Variants in SKAP1 observed in about 807,000 individuals in gnomAD.
SKAP1 encodes src kinase-associated phosphoprotein 1.
SKAP1 carries 44 observed loss-of-function variants against 58.5 expected under a neutral mutation model. The observed-to-expected ratio is 0.75, with a 90% CI of 0.59 to 0.97. The LOEUF (loss-of-function observed/expected upper bound fraction) is 0.97. Among genes scored for constraint, SKAP1 ranks in the 50% least tolerant of loss-of-function variants. The pLI is 0.00. For synonymous variants in SKAP1, 127 were observed against 149.7 expected (o/e 0.85, Z 1.11); for missense variants, 390 against 435.2 (o/e 0.90, Z 0.92).
intron 4 of SKAP1, among the ~76,000 whole-genome samples, chr17:48,329,916 C>T (rs1388907317): frequency 1.3e-5 from 2 of 152,268 alleles, no homozygotes; most frequent in South Asian, 2.1e-4. Context: ...ACCTACAATG[C>T]ACAGTAGTAA....
intron 4 of SKAP1, among the ~76,000 whole-genome samples, chr17:48,248,304 T>A (rs1489000526): frequency 6.6e-6 from 1 of 152,210 alleles, no homozygotes; most frequent in East Asian, 1.9e-4. Flanking sequence ...AGGTGGCTCA[T>A]GCTTGTAATC....
intron 4 of SKAP1, among the ~76,000 whole-genome samples, chr17:48,279,960 G>T (rs1287640478): frequency 6.6e-6 from 1 of 152,072 alleles, no homozygotes. Context: ...GGGCCCTGTT[G>T]TCATACAGTT....
chr17:48,316,845 A>C (rs1314481252), intron 4 of SKAP1, among the ~76,000 whole-genome samples: 2 of 144,342 alleles, frequency 1.4e-5, no homozygotes, highest in Admixed American at 1.4e-4. Flanking sequence ...CCCAACTTGC[A>C]TAACACTGAA....
intron 2 of SKAP1, chr17:48,380,251 T>A (rs2144474991): frequency 6.6e-6 from 1 of 152,314 alleles, no homozygotes; most frequent in Non-Finnish European, 1.5e-5. Flanking sequence ...ATCAGAAACA[T>A]CTTGAGATGT....
intron 4 of SKAP1, among the ~76,000 whole-genome samples, chr17:48,329,258 A>G (rs35974423): frequency 0.21 from 32,074 of 152,060 alleles, 3,362 homozygotes; most frequent in Admixed American, 0.22. Context: ...GACTTAAAAG[A>G]TAACTATAAG....
intron 4 of SKAP1, among the ~76,000 whole-genome samples, chr17:48,262,626 T>C (rs1033531984): frequency 1.3e-5 from 2 of 152,220 alleles, no homozygotes; most frequent in African/African-American, 2.4e-5. Flanking sequence ...TCCTATTCTG[T>C]TGTAAATTTT....
intron 4 of SKAP1, among the ~76,000 whole-genome samples, chr17:48,323,792 G>A (rs2144234065): frequency 6.6e-6 from 1 of 152,174 alleles, no homozygotes; most frequent in African/African-American, 2.4e-5. Context: ...ACGATGCTGA[G>A]TGGGGTCAGG....
At chr17:48,406,080 C>A (rs2067579158) in intron 1 of SKAP1, among the ~76,000 whole-genome samples, 1 of 151,832 alleles carries the variant, frequency 6.6e-6, no homozygotes, top group African/African-American at 2.4e-5. Flanking sequence ...TCCTTGCCAA[C>A]ATGGTGAAAC....
chr17:48,148,221 G>C (rs1324654437), intron 11 of SKAP1, among the ~76,000 whole-genome samples: 1 of 152,172 alleles, frequency 6.6e-6, no homozygotes, highest in African/African-American at 2.4e-5. Context: ...CACAGAGTGG[G>C]TGTGTGCAAG....
chr17:48,408,448 G>A (rs1265773005), intron 1 of SKAP1, among the ~76,000 whole-genome samples: 1 of 151,926 alleles, frequency 6.6e-6, no homozygotes, highest in Non-Finnish European at 1.5e-5. Context: ...TACAAAAAGA[G>A]GAAAAGTTCA....
chr17:48,144,006 C>T (rs1323179097), intron 11 of SKAP1, among the ~76,000 whole-genome samples: 2 of 152,204 alleles, frequency 1.3e-5, no homozygotes, highest in Non-Finnish European at 2.9e-5. Flanking sequence ...AGTCTGTCTG[C>T]TCTTGCTCCA....
chr17:48,182,944 G>T (rs2064389947), intron 7 of SKAP1, among the ~76,000 whole-genome samples: 1 of 152,210 alleles, frequency 6.6e-6, no homozygotes, highest in Non-Finnish European at 1.5e-5. Context: ...GGTGGACAGA[G>T]TTGGACATTT....
chr17:48,442,504 G>A, the SKAP1 span, among the ~76,000 whole-genome samples: 1 of 152,048 alleles, frequency 6.6e-6, no homozygotes, highest in Non-Finnish European at 1.5e-5. Context: ...GCTATACTTG[G>A]TGTTACATTT....
intron 1 of SKAP1, among the ~76,000 whole-genome samples, chr17:48,407,059 A>G (rs1201455583): frequency 6.6e-6 from 1 of 152,176 alleles, no homozygotes; most frequent in Non-Finnish European, 1.5e-5. Context: ...AAAAGAGTAA[A>G]CAAACCCCTC....
At chr17:48,220,852 C>CAAAAAAAAAAAAAAAA (rs56006389) in intron 4 of SKAP1, among the ~76,000 whole-genome samples, 71 of 83,642 alleles carry the variant, frequency 8.5e-4, no homozygotes, top group Non-Finnish European at 1.2e-3. Context: ...GACTCCATCT[C>CAAAAAAAAAAAAAAAA]AAAAAAAAAA....
Position 48,180,134 on chromosome 17 carries a change from G to T in SKAP1, c.746C>A (p.Pro249His). ...DSPSCGSQCR[P>H]TILPGSVGIK... ...CCCCACACTCCCAGGCAAGATAGTG[G>T]GTCTGCACTGGGAACCACAACTTGG... Residue 249 changes from proline (P) to histidine (H), a missense_variant, in exon 9 of 13, where the codon CCC becomes CAC. Pro to His is a moderately conservative substitution (Grantham distance 77). Transcript: ENST00000336915. The T allele has an allele frequency of 6.2e-7, 1 of 1,613,808 alleles. No individual in the cohort carries two copies.
At chr17:48,262,319 G>A (rs2143936113) in intron 4 of SKAP1, among the ~76,000 whole-genome samples, 1 of 152,196 alleles carries the variant, frequency 6.6e-6, no homozygotes, top group Non-Finnish European at 1.5e-5. Context: ...CTCACCAAAA[G>A]GCATATATTA....
rs1265086132 is a variant in SKAP1, at chr17:48,417,799, A to G, written c.46+12276T>C. Among the ~76,000 whole-genome samples, 3 of 152,152 alleles carry G rather than the reference A, an allele frequency of 2.0e-5. No homozygotes were observed. The East Asian group carries it at 5.8e-4, about 29-fold the overall frequency. On this transcript the variant is annotated intron_variant, in intron 1 of 12. Coordinates refer to ENST00000336915, the MANE Select transcript of SKAP1 (RefSeq NM_003726.4). The stretch of plus-strand genomic sequence containing the variant: ...TCTGCATATGTACACTAAGATACAC[A>G]GATAAAGATGTTTTCTACAGCAGTG...
At chr17:48,302,886 A>G (rs755531606) in intron 4 of SKAP1, among the ~76,000 whole-genome samples, 3 of 152,356 alleles carry the variant, frequency 2.0e-5, no homozygotes, top group South Asian at 2.1e-4. Context: ...CAGAATTTCC[A>G]TATAAGACTG....
Sources: allele counts gnomAD v4.1 joint callset (sites outside exome capture counted in the v4.1 genomes callset), GRCh38; gene constraint gnomAD v4.1.1; transcripts MANE v1.5; gene names NCBI Gene and HGNC (gene_info 2026-07-23, HGNC 2026-07-21).